The following PRKX variants were observed in gnomAD, a reference collection of about 807,000 sequenced individuals.
The protein encoded by PRKX is protein kinase cAMP-dependent X-linked catalytic subunit, also known as cAMP-dependent protein kinase catalytic subunit PRKX.
A neutral mutation model predicts 22.0 loss-of-function variants in PRKX; 12 were observed. The observed-to-expected ratio is 0.54, with a 90% CI of 0.35 to 0.88. PRKX has a LOEUF of 0.88. PRKX is among the 40% of genes least tolerant of loss of function. The pLI is 0.01. For missense variants in PRKX, 217 were observed against 308.0 expected (o/e 0.70, Z 2.21); for synonymous variants, 134 against 137.7 (o/e 0.97, Z 0.19).
intron 1 of PRKX, among the ~76,000 whole-genome samples, chrX:3,683,049 G>C (rs1224330494): frequency 1.9e-4 from 20 of 107,171 alleles, no homozygotes; most frequent in Middle Eastern, 0.011. Context: ...GAGCCCCCAG[G>C]AGCTGGGAGA....
Position 3,648,429 on chromosome X carries a change from C to T in PRKX, c.600-6458G>A, listed in dbSNP as rs192860385. Among the ~76,000 whole-genome samples the T allele has an allele frequency of 2.1e-3, 224 of 108,628 alleles. 2 individuals carry two copies. Among genetic ancestry groups the T allele is most frequent in the Non-Finnish European group, 3.0e-4 (16 of 52,479 alleles). The allele number at this position is 108,628 out of a possible 115,157, so 94.3% of individuals were successfully genotyped here. On this transcript the variant is annotated intron_variant, in intron 3 of 8. Transcript: ENST00000262848. ...ATAGTTGTCAGATGTGATAATGGCA[C>T]TGAAGTTCTTTTTTAAAGGGAGTTA...
chrX:3,633,660 C>T (rs916132344), intron 4 of PRKX, among the ~76,000 whole-genome samples: 7 of 111,824 alleles, frequency 6.3e-5, no homozygotes, highest in African/African-American at 1.6e-4. Context: ...CGCCTATTTA[C>T]ATCTTCCAGT....
chrX:3,645,843 A>G, intron 3 of PRKX, among the ~76,000 whole-genome samples: 1 of 112,257 alleles, frequency 8.9e-6, no homozygotes, highest in South Asian at 3.7e-4. Flanking sequence ...CTGAGGGAGG[A>G]GGATTGCTTC....
At chrX:3,609,645 G>C (rs1161922443) in intron 8 of PRKX, among the ~76,000 whole-genome samples, 2 of 109,611 alleles carry the variant, frequency 1.8e-5, no homozygotes, top group African/African-American at 6.6e-5. Context: ...TGTAGAGATG[G>C]GGTCTCACTA....
At chrX:3,647,315 T>G (rs1271781030) in intron 3 of PRKX, among the ~76,000 whole-genome samples, 3 of 106,989 alleles carry the variant, frequency 2.8e-5, no homozygotes, top group Non-Finnish European at 5.8e-5. Flanking sequence ...TGAGCACATA[T>G]AATTATTTGG....
At chrX:3,637,829 C>T (rs1395474364) in intron 4 of PRKX, among the ~76,000 whole-genome samples, 3 of 106,130 alleles carry the variant, frequency 2.8e-5, no homozygotes, top group East Asian at 2.9e-4. Context: ...TGCAGTGGTG[C>T]GATCTCGGCT....
chrX:3,671,883 GAGGCCA>G, intron 2 of PRKX, among the ~76,000 whole-genome samples: 1 of 111,342 alleles, frequency 9.0e-6, no homozygotes, highest in East Asian at 2.8e-4. Flanking sequence ...AGCATGTCAG[GAGGCCA>G]AGGCAAGTGG....
At chrX:3,612,573 G>T (rs1490869477) in intron 7 of PRKX, among the ~76,000 whole-genome samples, 1 of 110,971 alleles carries the variant, frequency 9.0e-6, no homozygotes, top group Non-Finnish European at 1.9e-5. Flanking sequence ...GGTTGCTTGA[G>T]CCTCAGAAGT....
chrX:3,627,713 C>G (rs773858743), intron 4 of PRKX, among the ~76,000 whole-genome samples: 2 of 110,838 alleles, frequency 1.8e-5, no homozygotes, highest in East Asian at 5.7e-4. Flanking sequence ...ATCCACCCAG[C>G]TTGGTCTCTC....
intron 1 of PRKX, among the ~76,000 whole-genome samples, chrX:3,693,660 G>A (rs147760677): frequency 0.032 from 3,598 of 110,881 alleles, 154 homozygotes; most frequent in African/African-American, 0.11. Flanking sequence ...TTTTGAGGCC[G>A]GGCGCGGTGG....
Position 3,674,737 on chromosome X carries a change from C to T in PRKX, c.196G>A (p.Val66Met). The T allele has an allele frequency of 8.3e-7, 1 of 1,210,980 alleles. No individual in the cohort carries two copies. Among genetic ancestry groups the T allele is most frequent in the Non-Finnish European group, 1.1e-6 (1 of 894,762 alleles). ...GTGTFGRVHL[V>M]KEKTAKHFFA... Reference sequence around the variant, plus strand: ...AAATGCTTGGCTGTCTTCTCCTTCACCAGGTGCACCCGCCCGAACGTCCCA... The same window carrying T: ...AAATGCTTGGCTGTCTTCTCCTTCATCAGGTGCACCCGCCCGAACGTCCCA... Residue 66 changes from valine (V) to methionine (M), a missense_variant, in exon 2 of 9, where the codon GTG becomes ATG. Coordinates refer to ENST00000262848, the MANE Select transcript of PRKX (RefSeq NM_005044.5).
At chrX:3,685,842 C>T (rs964421355) in intron 1 of PRKX, among the ~76,000 whole-genome samples, 14 of 111,756 alleles carry the variant, frequency 1.3e-4, no homozygotes, top group Admixed American at 1.0e-3. Context: ...GCCCAGGCGT[C>T]CAAGACCAGC....
intron 3 of PRKX, among the ~76,000 whole-genome samples, chrX:3,647,623 ATAT>A (rs1419281800): frequency 9.3e-6 from 1 of 107,174 alleles, no homozygotes; most frequent in Non-Finnish European, 1.9e-5. Flanking sequence ...AATGTCGGAT[ATAT>A]TATTTATGTG....
At chrX:3,609,989 C>A (rs1250837095) in intron 8 of PRKX, among the ~76,000 whole-genome samples, 1 of 111,859 alleles carries the variant, frequency 8.9e-6, no homozygotes, top group Non-Finnish European at 1.9e-5. Flanking sequence ...CAAAGATGAA[C>A]GGCTACAGCA....
intron 1 of PRKX, among the ~76,000 whole-genome samples, chrX:3,690,649 T>G (rs1928305021): frequency 9.0e-6 from 1 of 111,252 alleles, no homozygotes; most frequent in African/African-American, 3.3e-5. Context: ...GGAGGATCAC[T>G]TGAGCCTGGG....
At chrX:3,700,742 C>T (rs1314743396) in intron 1 of PRKX, among the ~76,000 whole-genome samples, 6 of 69,010 alleles carry the variant, frequency 8.7e-5, no homozygotes, top group Non-Finnish European at 1.7e-4. Context: ...CCACGCCCAG[C>T]TAATTGTTTG....
chrX:3,654,033 AAT>A (rs1174640907), intron 3 of PRKX, among the ~76,000 whole-genome samples: 3 of 81,058 alleles, frequency 3.7e-5, no homozygotes, highest in Admixed American at 1.8e-4. Flanking sequence ...TATACTATGT[AAT>A]ATATATATTA....
chrX:3,637,517 C>T (rs983363925), intron 4 of PRKX, among the ~76,000 whole-genome samples: 3 of 111,409 alleles, frequency 2.7e-5, no homozygotes, highest in African/African-American at 6.5e-5. Context: ...CACAGGAATG[C>T]CTGGGAGAGT....
At chrX:3,654,357 A>T (rs1300807124) in intron 3 of PRKX, among the ~76,000 whole-genome samples, 1 of 102,401 alleles carries the variant, frequency 9.8e-6, no homozygotes, top group Non-Finnish European at 1.9e-5. Flanking sequence ...TTTAATATAC[A>T]TATATAGTGG....
Sources: gnomAD v4.1 joint callset for allele counts (sites outside exome capture counted in the v4.1 genomes callset) on GRCh38, gnomAD v4.1.1 for gene constraint, MANE v1.5 for transcripts, NCBI Gene and HGNC (gene_info 2026-07-23, HGNC 2026-07-21) for gene names.